The following SKIC3 variants were observed in gnomAD, a reference collection of about 807,000 sequenced individuals.
SKIC3 encodes SKI3 subunit of superkiller complex.
the SKIC3 span, chr5:95,523,572 T>C: frequency 6.8e-7 from 1 of 1,467,632 alleles, no homozygotes; most frequent in Admixed American, 2.0e-5. Context: ...AATGATAACT[T>C]TCAAGTATAC....
At chr5:95,537,850 G>A in the SKIC3 span, among the ~76,000 whole-genome samples, 3 of 152,130 alleles carry the variant, frequency 2.0e-5, no homozygotes, top group Non-Finnish European at 2.9e-5. Flanking sequence ...AAGCCATAAT[G>A]TAATTCAATA....
the SKIC3 span, among the ~76,000 whole-genome samples, chr5:95,518,510 A>T: frequency 6.9e-6 from 1 of 143,948 alleles, no homozygotes; most frequent in Admixed American, 6.8e-5. Context: ...TTTTACTTCT[A>T]TGAGATCAAT....
At chr5:95,478,357 C>T in the SKIC3 span, 4 of 1,613,806 alleles carry the variant, frequency 2.5e-6, no homozygotes, top group Middle Eastern at 1.6e-4. Flanking sequence ...CCAACTGCCC[C>T]GTTGGGATGC....
At chr5:95,479,297 A>G in the SKIC3 span, among the ~76,000 whole-genome samples, 105 of 152,344 alleles carry the variant, frequency 6.9e-4, 1 homozygote, top group Non-Finnish European at 1.0e-3. Flanking sequence ...TTGCAAAACA[A>G]TGCTGTGAGA....
At chr5:95,529,470 G>A in the SKIC3 span, 1 of 332,490 alleles carries the variant, frequency 3.0e-6, no homozygotes, top group East Asian at 7.3e-5. Context: ...TCCTTACCAA[G>A]TCTTGCTAGG....
chr5:95,509,511 CA>C, the SKIC3 span: 7 of 1,066,004 alleles, frequency 6.6e-6, no homozygotes, highest in Non-Finnish European at 1.0e-5. Context: ...CCGGTTCTCC[CA>C]ACGCACAGGC....
chr5:95,504,053 A>G, the SKIC3 span: 1 of 784,046 alleles, frequency 1.3e-6, no homozygotes, highest in Non-Finnish European at 1.9e-6. Context: ...TCACATCTGT[A>G]ATCCCAGCAC....
chr5:95,527,578 G>C, the SKIC3 span, among the ~76,000 whole-genome samples: 1 of 152,014 alleles, frequency 6.6e-6, no homozygotes, highest in Non-Finnish European at 1.5e-5. Context: ...AAAACACTAA[G>C]AAATCGGTTT....
chr5:95,506,686 AC>A, the SKIC3 span, among the ~76,000 whole-genome samples: 1 of 152,186 alleles, frequency 6.6e-6, no homozygotes, highest in African/African-American at 2.4e-5. Context: ...GACAGTCACT[AC>A]CTCTCTTCCA....
At chr5:95,469,706 C>A in the SKIC3 span, 1 of 1,599,328 alleles carries the variant, frequency 6.3e-7, no homozygotes, top group Non-Finnish European at 8.6e-7. Flanking sequence ...AGTTTATAAT[C>A]TTTCCTTGAT....
chr5:95,497,829 A>C, the SKIC3 span, among the ~76,000 whole-genome samples: 2 of 152,160 alleles, frequency 1.3e-5, no homozygotes, highest in Admixed American at 1.3e-4. Flanking sequence ...GATGACTACT[A>C]ATAAAAATGA....
At chr5:95,551,024 A>C in the SKIC3 span, among the ~76,000 whole-genome samples, 1 of 152,170 alleles carries the variant, frequency 6.6e-6, no homozygotes, top group African/African-American at 2.4e-5. Flanking sequence ...GGACATCTAC[A>C]GACAACTAAG....
At chr5:95,536,329 C>T in the SKIC3 span, among the ~76,000 whole-genome samples, 1 of 152,322 alleles carries the variant, frequency 6.6e-6, no homozygotes, top group Non-Finnish European at 1.5e-5. Flanking sequence ...AACATCAACA[C>T]TGAGGCAGCT....
chr5:95,518,603 C>T, the SKIC3 span, among the ~76,000 whole-genome samples: 1 of 152,044 alleles, frequency 6.6e-6, no homozygotes, highest in South Asian at 2.1e-4. Context: ...ACATAATGTC[C>T]TCCAGTTCTA....
At chr5:95,495,962 G>T in the SKIC3 span, among the ~76,000 whole-genome samples, 2 of 150,712 alleles carry the variant, frequency 1.3e-5, no homozygotes, top group Non-Finnish European at 2.9e-5. Context: ...GGAATTCAGA[G>T]AGACAAGTGA....
At chr5:95,522,362 G>A in the SKIC3 span, 1 of 1,575,932 alleles carries the variant, frequency 6.3e-7, no homozygotes, top group Admixed American at 1.8e-5. Context: ...CTCCAAATCT[G>A]AAAGGAAAAT....
At chr5:95,520,936 G>A in the SKIC3 span, 12 of 739,644 alleles carry the variant, frequency 1.6e-5, no homozygotes, top group African/African-American at 1.4e-4. Context: ...AAAACTTAAC[G>A]GTGTGTTATA....
At chr5:95,511,777 A>G in the SKIC3 span, among the ~76,000 whole-genome samples, 2 of 152,194 alleles carry the variant, frequency 1.3e-5, no homozygotes, top group African/African-American at 2.4e-5. Context: ...TGTACAAATC[A>G]TCTTGTTTAA....
At chr5:95,494,453 T>C in the SKIC3 span, among the ~76,000 whole-genome samples, 1 of 152,154 alleles carries the variant, frequency 6.6e-6, no homozygotes, top group African/African-American at 2.4e-5. Flanking sequence ...ATGCATCAAT[T>C]TAAAAAGTCC....
Sources: allele counts gnomAD v4.1 joint callset (sites outside exome capture counted in the v4.1 genomes callset), GRCh38; gene constraint gnomAD v4.1.1; transcripts MANE v1.5; gene names NCBI Gene and HGNC (gene_info 2026-07-23, HGNC 2026-07-21).